ATG10: variants seen among roughly 807,000 people sequenced by gnomAD.
ATG10 encodes the protein autophagy related 10, also known as ubiquitin-like-conjugating enzyme ATG10.
ATG10 carries 30 observed loss-of-function variants against 32.1 expected under a neutral mutation model. The observed-to-expected ratio is 0.94, with a 90% CI of 0.70 to 1.27. The LOEUF (loss-of-function observed/expected upper bound fraction) is 1.27, where lower values mean the gene tolerates loss of function less well. Ranked by LOEUF, ATG10 falls within the 50% of genes most tolerant of loss-of-function variation. ATG10 has a pLI of 0.00. For synonymous variants in ATG10, 87 were observed against 91.5 expected (o/e 0.95, Z 0.28); for missense variants, 233 against 262.3 (o/e 0.89, Z 0.77).
At chr5:82,029,289 G>T (rs1762679429) in intron 2 of ATG10, among the ~76,000 whole-genome samples, 2 of 151,744 alleles carry the variant, frequency 1.3e-5, no homozygotes, top group African/African-American at 2.4e-5. Flanking sequence ...GCTGAGATAG[G>T]AATGGGGATT....
At chr5:82,099,197 A>C (rs1374312086) in intron 3 of ATG10, among the ~76,000 whole-genome samples, 3 of 152,196 alleles carry the variant, frequency 2.0e-5, no homozygotes, top group Non-Finnish European at 4.4e-5. Context: ...CTTTACCTCT[A>C]TAAAGGAAAG....
intron 3 of ATG10, 110 bp downstream of exon 3, chr5:82,058,712 T>C (rs1450476404): frequency 1.5e-6 from 1 of 646,338 alleles, no homozygotes; most frequent in Admixed American, 2.6e-5. Context: ...ACCACAATTA[T>C]ATGGCACTCA....
At chr5:82,218,646 C>T (rs1745795347) in intron 5 of ATG10, among the ~76,000 whole-genome samples, 1 of 152,052 alleles carries the variant, frequency 6.6e-6, no homozygotes, top group Non-Finnish European at 1.5e-5. Flanking sequence ...TTTATAGTAC[C>T]ACAATAATTC....
At chr5:82,141,888 C>G (rs1767164360) in intron 3 of ATG10, among the ~76,000 whole-genome samples, 1 of 151,926 alleles carries the variant, frequency 6.6e-6, no homozygotes, top group Non-Finnish European at 1.5e-5. Context: ...GGATAGCCTC[C>G]CTCATATCAT....
chr5:82,055,438 A>G (rs886246133), intron 2 of ATG10, among the ~76,000 whole-genome samples: 5 of 152,196 alleles, frequency 3.3e-5, no homozygotes, highest in Admixed American at 6.6e-5. Context: ...TTTATAACAT[A>G]GGTGCACACG....
chr5:82,026,671 T>G (rs1479809831), intron 2 of ATG10, among the ~76,000 whole-genome samples: 5 of 152,236 alleles, frequency 3.3e-5, no homozygotes, highest in Non-Finnish European at 7.3e-5. Context: ...TATTTGTTTT[T>G]GGGAATTAAA....
intron 5 of ATG10, among the ~76,000 whole-genome samples, chr5:82,217,869 C>T (rs377048871): frequency 2.0e-5 from 3 of 151,408 alleles, no homozygotes; most frequent in East Asian, 1.9e-4. Flanking sequence ...TCTAGCTACT[C>T]GGGAGGCTGA....
chr5:82,226,482 C>A (rs1746137285), intron 5 of ATG10, among the ~76,000 whole-genome samples: 1 of 152,074 alleles, frequency 6.6e-6, no homozygotes, highest in Admixed American at 6.5e-5. Flanking sequence ...AATCCTATTA[C>A]CAAAAGATTA....
intron 2 of ATG10, among the ~76,000 whole-genome samples, chr5:82,047,330 T>A (rs1244992104): frequency 6.6e-6 from 1 of 152,100 alleles, no homozygotes; most frequent in Non-Finnish European, 1.5e-5. Context: ...GACAACAAAC[T>A]ATTATTAAAA....
At chr5:82,209,515 C>G (rs1745419264) in intron 5 of ATG10, among the ~76,000 whole-genome samples, 1 of 152,150 alleles carries the variant, frequency 6.6e-6, no homozygotes, top group Non-Finnish European at 1.5e-5. Context: ...GAGCTCTTAA[C>G]AAGCACCATG....
chr5:82,052,900 TTGTTTCCAACCTTATACTATTAAAA>T (rs1490087616), intron 2 of ATG10, among the ~76,000 whole-genome samples: 1 of 152,212 alleles, frequency 6.6e-6, no homozygotes, highest in Non-Finnish European at 1.5e-5. Flanking sequence ...GAAATTTAGG[TTGTTTCCAACCTTATACTATTAAAA>T]TAATATGTTA....
At chr5:82,079,095 T>C (rs998558397) in intron 3 of ATG10, among the ~76,000 whole-genome samples, 33 of 152,354 alleles carry the variant, frequency 2.2e-4, no homozygotes, top group African/African-American at 7.7e-4. Context: ...CTCATTCTTG[T>C]AGTTTCATTC....
intron 1 of ATG10, among the ~76,000 whole-genome samples, chr5:81,982,113 A>G (rs1305932428): frequency 6.6e-6 from 1 of 152,248 alleles, no homozygotes; most frequent in Non-Finnish European, 1.5e-5. Context: ...AAAAACAAAA[A>G]CAAAACAACA....
intron 2 of ATG10, among the ~76,000 whole-genome samples, chr5:82,005,756 C>T (rs1457828283): frequency 1.3e-5 from 2 of 152,088 alleles, no homozygotes; most frequent in African/African-American, 2.4e-5. Context: ...AGATTTTCAG[C>T]TTCCTTCTCT....
intron 5 of ATG10, among the ~76,000 whole-genome samples, chr5:82,222,787 G>T (rs1188738480): frequency 6.6e-6 from 1 of 152,240 alleles, no homozygotes; most frequent in African/African-American, 2.4e-5. Flanking sequence ...CACATCAGCT[G>T]TGCAGTTGCA....
intron 3 of ATG10, among the ~76,000 whole-genome samples, chr5:82,150,538 T>C (rs929483288): frequency 6.6e-6 from 1 of 152,222 alleles, no homozygotes; most frequent in Non-Finnish European, 1.5e-5. Flanking sequence ...ATAGAAAAAG[T>C]AGTCCAATGC....
intron 3 of ATG10, among the ~76,000 whole-genome samples, chr5:82,139,266 C>T (rs1014572509): frequency 1.4e-4 from 21 of 149,520 alleles, no homozygotes; most frequent in African/African-American, 3.3e-4. Flanking sequence ...GCCACCACCC[C>T]GTCTGGGAAG....
chr5:82,218,965 A>G (rs2149990096), intron 5 of ATG10, among the ~76,000 whole-genome samples: 1 of 152,312 alleles, frequency 6.6e-6, no homozygotes, highest in South Asian at 2.1e-4. Flanking sequence ...TGTCTCAGAG[A>G]AGATTGTCTC....
At chr5:82,170,101 A>C (rs1743743336) in intron 4 of ATG10, among the ~76,000 whole-genome samples, 1 of 152,362 alleles carries the variant, frequency 6.6e-6, no homozygotes, top group South Asian at 2.1e-4. Context: ...CACATATACA[A>C]AAGGCAAGAG....
Sources: allele counts gnomAD v4.1 joint callset (sites outside exome capture counted in the v4.1 genomes callset), GRCh38; gene constraint gnomAD v4.1.1; transcripts MANE v1.5; gene names NCBI Gene and HGNC (gene_info 2026-07-23, HGNC 2026-07-21).